Variants in PTPRD observed in about 807,000 individuals in gnomAD.
PTPRD encodes receptor-type tyrosine-protein phosphatase delta.
In PTPRD, 34 loss-of-function variants were observed where a neutral mutation model predicts 214.5. The observed-to-expected ratio is 0.16, with a 90% CI of 0.12 to 0.21. PTPRD has a LOEUF of 0.21. PTPRD is among the 10% of genes least tolerant of loss of function. The pLI is 1.00. For synonymous variants in PTPRD, 1,128 were observed against 845.7 expected (o/e 1.33, Z -5.79); for missense variants, 2,545 against 2,398.7 (o/e 1.06, Z -1.27).
chr9:10,347,307 C>T (rs1239580343), intron 2 of PTPRD, among the ~76,000 whole-genome samples: 1 of 151,680 alleles, frequency 6.6e-6, no homozygotes, highest in African/African-American at 2.4e-5. Flanking sequence ...TTTGTTGATG[C>T]ATAATAGATG....
At chr9:9,638,951 T>G (rs949373918) in intron 7 of PTPRD, among the ~76,000 whole-genome samples, 8 of 152,118 alleles carry the variant, frequency 5.3e-5, no homozygotes, top group African/African-American at 1.9e-4. Context: ...TCCTTCAAAC[T>G]CTTTCATAAT....
intron 2 of PTPRD, among the ~76,000 whole-genome samples, chr9:10,469,899 G>T (rs2099019021): frequency 6.6e-6 from 1 of 151,320 alleles, no homozygotes; most frequent in Non-Finnish European, 1.5e-5. Flanking sequence ...AATAACCCAG[G>T]CATTGAAAGA....
chr9:9,254,008 G>C (rs1196129800), intron 9 of PTPRD, among the ~76,000 whole-genome samples: 1 of 152,014 alleles, frequency 6.6e-6, no homozygotes, highest in Non-Finnish European at 1.5e-5. Flanking sequence ...CTTCTCCTTT[G>C]TGTCTCTCTT....
At chr9:9,060,353 C>G (rs971189328) in intron 10 of PTPRD, among the ~76,000 whole-genome samples, 1 of 152,074 alleles carries the variant, frequency 6.6e-6, no homozygotes, top group Non-Finnish European at 1.5e-5. Context: ...ATAAAACAAT[C>G]ACTTCTAGAA....
At chr9:8,445,189 T>C (rs1447012485) in intron 34 of PTPRD, among the ~76,000 whole-genome samples, 5 of 152,188 alleles carry the variant, frequency 3.3e-5, no homozygotes, top group South Asian at 2.1e-4. Flanking sequence ...TTGGTAGTTA[T>C]TGGTGATACA....
chr9:8,834,397 A>G (rs904806932), intron 11 of PTPRD, among the ~76,000 whole-genome samples: 1 of 149,992 alleles, frequency 6.7e-6, no homozygotes, highest in Middle Eastern at 3.5e-3. Context: ...TTAAAAATTC[A>G]GCACCTATAC....
intron 10 of PTPRD, among the ~76,000 whole-genome samples, chr9:9,083,020 T>C (rs559522774): frequency 1.3e-5 from 2 of 152,180 alleles, no homozygotes; most frequent in Non-Finnish European, 2.9e-5. Flanking sequence ...TAAGCTACCA[T>C]TGACTTTCTT....
At chr9:8,469,384 A>G (rs191911753) in intron 31 of PTPRD, among the ~76,000 whole-genome samples, 2 of 152,134 alleles carry the variant, frequency 1.3e-5, no homozygotes, top group South Asian at 4.1e-4. Context: ...GTGCCTTAAA[A>G]ACTTTTTTTT....
intron 8 of PTPRD, among the ~76,000 whole-genome samples, chr9:9,564,884 G>GTTTTTTTTTTTTTTTTTTTTTTTTTTT (rs1191664969): frequency 4.1e-5 from 2 of 48,842 alleles, no homozygotes; most frequent in African/African-American, 6.9e-5. Flanking sequence ...TGAATCTTCT[G>GTTTTTTTTTTTTTTTTTTTTTTTTTTT]TTTTTTTTTT....
chr9:10,382,962 C>G (rs1177682433), intron 2 of PTPRD, among the ~76,000 whole-genome samples: 2 of 151,756 alleles, frequency 1.3e-5, no homozygotes, highest in South Asian at 2.1e-4. Flanking sequence ...CAATGAGCTT[C>G]TGAATGAGTT....
rs562247477 is a variant in PTPRD, at chr9:8,315,393, T to A, written c.*2481A>T. 1.3e-5 allele frequency: 3 copies of A among 232,598 alleles called. No homozygotes were observed. The highest frequency in any genetic ancestry group is 2.6e-5 in the Non-Finnish European group (3 of 117,390). The allele number at this position is 232,598 out of a possible 1,614,324, so 14.4% of individuals were successfully genotyped here. On this transcript the variant is annotated 3_prime_UTR_variant, in exon 46 of 46. Coordinates refer to ENST00000381196, the MANE Select transcript of PTPRD (RefSeq NM_002839.4). ...AATCATTCTGGTGTGCAGTGCTCCA[T>A]CGGATTCTACATGTCCAACAAGGCA...
chr9:9,568,296 C>CA (rs1188116586), intron 8 of PTPRD, among the ~76,000 whole-genome samples: 5 of 151,802 alleles, frequency 3.3e-5, no homozygotes, highest in African/African-American at 1.2e-4. Flanking sequence ...TGTAGTAGAA[C>CA]ACATGGAAGA....
At chr9:10,438,761 T>C (rs1210948131) in intron 2 of PTPRD, among the ~76,000 whole-genome samples, 1 of 151,774 alleles carries the variant, frequency 6.6e-6, no homozygotes, top group African/African-American at 2.4e-5. Context: ...ATAAAGCTCA[T>C]TAATTCAGTC....
intron 9 of PTPRD, among the ~76,000 whole-genome samples, chr9:9,195,409 A>C (rs1429171556): frequency 2.0e-5 from 3 of 152,088 alleles, no homozygotes; most frequent in Non-Finnish European, 4.4e-5. Flanking sequence ...TATCAACAGA[A>C]TATCTCGTTT....
chr9:10,572,783 A>T (rs746222734), intron 2 of PTPRD, among the ~76,000 whole-genome samples: 4 of 152,204 alleles, frequency 2.6e-5, no homozygotes, highest in Non-Finnish European at 2.9e-5. Context: ...ACTAATAAAC[A>T]ACATCACTTT....
intron 11 of PTPRD, among the ~76,000 whole-genome samples, chr9:8,894,696 G>T (rs1013915519): frequency 1.1e-4 from 16 of 152,170 alleles, no homozygotes; most frequent in Non-Finnish European, 2.2e-4. Context: ...GCAACAAAGT[G>T]TGTGAAAATG....
At chr9:10,099,949 T>C (rs1346553680) in intron 3 of PTPRD, among the ~76,000 whole-genome samples, 1 of 151,750 alleles carries the variant, frequency 6.6e-6, no homozygotes, top group Non-Finnish European at 1.5e-5. Context: ...ATTAACATTT[T>C]AAAGGATTTG....
At chr9:10,529,200 C>A (rs561386107) in intron 2 of PTPRD, among the ~76,000 whole-genome samples, 1 of 152,070 alleles carries the variant, frequency 6.6e-6, no homozygotes, top group Non-Finnish European at 1.5e-5. Context: ...ACCATTTGAT[C>A]CAGCAATCTC....
rs575446079 is a variant in PTPRD at position 9,302,976 on chromosome 9, T to C, written c.-203+94473A>G. ...TACACATCTGCTCCTCTCTTTAGAT[T>C]CTATGCTATTCAAGGGCATGTCCTA... On this transcript the variant is annotated intron_variant, in intron 9 of 45. Coordinates refer to ENST00000381196, the MANE Select transcript of PTPRD (RefSeq NM_002839.4). Among the ~76,000 whole-genome samples the C allele has an allele frequency of 1.1e-4, 16 of 152,114 alleles. No individual in the cohort carries two copies. The East Asian group carries it at 3.1e-3, about 29-fold the overall frequency.
Sources: gnomAD v4.1 joint callset for allele counts (sites outside exome capture counted in the v4.1 genomes callset) on GRCh38, gnomAD v4.1.1 for gene constraint, MANE v1.5 for transcripts, NCBI Gene and HGNC (gene_info 2026-07-23, HGNC 2026-07-21) for gene names.